Variants in CTNNA3 observed in about 807,000 individuals in gnomAD.
The protein encoded by CTNNA3 is catenin alpha 3.
In CTNNA3, 76 loss-of-function variants were observed where a neutral mutation model predicts 95.7. The observed-to-expected ratio is 0.79, with a 90% confidence interval of 0.66 to 0.96. The LOEUF (loss-of-function observed/expected upper bound fraction) is 0.96. CTNNA3 is among the 40% of genes least tolerant of loss of function. The pLI, the probability that CTNNA3 is intolerant of heterozygous loss-of-function variation, is 0.00. For missense variants in CTNNA3, 1,191 were observed against 1,089.8 expected, an observed-to-expected ratio of 1.09 and a Z score of -1.31; for synonymous variants, 431 against 374.4, an observed-to-expected ratio of 1.15 and a Z score of -1.74.
chr10:66,022,310 A>G (rs1296360190), intron 15 of CTNNA3, among the ~76,000 whole-genome samples: 1 of 152,176 alleles, frequency 6.6e-6, no homozygotes, highest in Non-Finnish European at 1.5e-5. Flanking sequence ...GCTTTAAACA[A>G]AAGTTATATT....
chr10:67,110,890 T>C (rs1858882060), intron 7 of CTNNA3, among the ~76,000 whole-genome samples: 1 of 152,154 alleles, frequency 6.6e-6, no homozygotes, highest in African/African-American at 2.4e-5. Context: ...ACACTTATAA[T>C]GAGATGGTTC....
chr10:66,129,488 C>G (rs1343497512), intron 13 of CTNNA3, among the ~76,000 whole-genome samples: 3 of 152,154 alleles, frequency 2.0e-5, no homozygotes, highest in Non-Finnish European at 1.5e-5. Context: ...TGGCCAGGGA[C>G]ACCCATCACC....
At chr10:66,958,032 C>A (rs1222246181) in intron 7 of CTNNA3, among the ~76,000 whole-genome samples, 1 of 151,868 alleles carries the variant, frequency 6.6e-6, no homozygotes, top group Non-Finnish European at 1.5e-5. Flanking sequence ...ACTAGAGGGG[C>A]CAAAAGCAGT....
chr10:66,687,347 T>G (rs1020720268), intron 9 of CTNNA3, among the ~76,000 whole-genome samples: 2 of 152,144 alleles, frequency 1.3e-5, no homozygotes, highest in African/African-American at 4.8e-5. Context: ...CTTTGTCTTC[T>G]TGATGCCTCC....
chr10:65,921,815 G>T (rs1181613739), intron 17 of CTNNA3, among the ~76,000 whole-genome samples: 2 of 152,172 alleles, frequency 1.3e-5, no homozygotes, highest in African/African-American at 4.8e-5. Context: ...GAGTCTCAAG[G>T]TGTACCTGAA....
intron 7 of CTNNA3, among the ~76,000 whole-genome samples, chr10:67,054,372 C>T (rs1466765793): frequency 6.6e-6 from 1 of 152,122 alleles, no homozygotes; most frequent in African/African-American, 2.4e-5. Flanking sequence ...GCTTTTGTGT[C>T]ACACAAAGCT....
At chr10:67,403,102 A>C (rs1844986936) in intron 5 of CTNNA3, among the ~76,000 whole-genome samples, 1 of 152,218 alleles carries the variant, frequency 6.6e-6, no homozygotes, top group African/African-American at 2.4e-5. Flanking sequence ...CAGCTGTTCA[A>C]GTCTGTGGGC....
intron 7 of CTNNA3, among the ~76,000 whole-genome samples, chr10:66,936,658 G>A (rs942185288): frequency 6.6e-5 from 10 of 152,056 alleles, no homozygotes; most frequent in Admixed American, 6.6e-5. Flanking sequence ...ACTCTACAGC[G>A]CAATCTAGTC....
intron 5 of CTNNA3, among the ~76,000 whole-genome samples, chr10:67,396,837 A>G (rs1844724795): frequency 6.6e-6 from 1 of 151,968 alleles, no homozygotes; most frequent in African/African-American, 2.4e-5. Flanking sequence ...ATAGTGAGTG[A>G]GTTCTCACAA....
chr10:67,167,266 T>A (rs1448451857), intron 7 of CTNNA3, among the ~76,000 whole-genome samples: 2 of 152,288 alleles, frequency 1.3e-5, no homozygotes, highest in Middle Eastern at 3.4e-3. Context: ...AGGCTAGACA[T>A]ACAAGATACC....
intron 7 of CTNNA3, among the ~76,000 whole-genome samples, chr10:67,000,720 T>C (rs112729832): frequency 9.2e-5 from 14 of 152,268 alleles, no homozygotes; most frequent in African/African-American, 3.4e-4. Flanking sequence ...TAAAGTCAAT[T>C]AGTATAAATA....
At chr10:67,498,521 G>T (rs1268394902) in intron 5 of CTNNA3, among the ~76,000 whole-genome samples, 1 of 150,256 alleles carries the variant, frequency 6.7e-6, no homozygotes, top group East Asian at 2.1e-4. Context: ...AAATTACTTT[G>T]GGCATAATGG....
rs183996535 is a variant in CTNNA3, at chr10:66,445,990, A to T, written c.1532-66638T>A. Among the ~76,000 whole-genome samples, 23 of 152,294 alleles carry T rather than the reference A, an allele frequency of 1.5e-4. No individual in the cohort carries two copies. The East Asian group carries it at 4.3e-3, about 28-fold the overall frequency. On this transcript the variant is annotated intron_variant, in intron 11 of 17. Transcript: ENST00000433211. ...GATGCAATAAAAAATGATAAAGGGGATATCACTACCAATCCCACAGAAATA... is the reference window on the plus strand; with the variant it reads ...GATGCAATAAAAAATGATAAAGGGGTTATCACTACCAATCCCACAGAAATA...
intron 1 of CTNNA3, among the ~76,000 whole-genome samples, chr10:67,658,868 C>G (rs1157809758): frequency 6.6e-6 from 1 of 152,138 alleles, no homozygotes; most frequent in Non-Finnish European, 1.5e-5. Context: ...TGTTGTAATT[C>G]AAACTTTATA....
At chr10:67,450,329 A>G (rs905328594) in intron 5 of CTNNA3, among the ~76,000 whole-genome samples, 1 of 152,220 alleles carries the variant, frequency 6.6e-6, no homozygotes, top group African/African-American at 2.4e-5. Flanking sequence ...TCATTCTACC[A>G]TAAAGACATA....
At chr10:66,007,019 C>T (rs868262113) in intron 15 of CTNNA3, among the ~76,000 whole-genome samples, 4 of 152,044 alleles carry the variant, frequency 2.6e-5, no homozygotes, top group Admixed American at 1.3e-4. Flanking sequence ...TTGGCATGCC[C>T]CCCGCACCCC....
intron 1 of CTNNA3, among the ~76,000 whole-genome samples, chr10:67,746,786 G>C (rs1305888632): frequency 1.3e-5 from 2 of 152,348 alleles, no homozygotes; most frequent in East Asian, 3.9e-4. Flanking sequence ...TTCAGCTGCA[G>C]TCTGCCTAAG....
chr10:65,927,412 T>C (rs1410094264), intron 17 of CTNNA3, among the ~76,000 whole-genome samples: 1 of 152,202 alleles, frequency 6.6e-6, no homozygotes. Flanking sequence ...ACATCAGTGT[T>C]CTATTTATGA....
intron 13 of CTNNA3, among the ~76,000 whole-genome samples, chr10:66,227,107 C>T (rs186388110): frequency 2.0e-5 from 3 of 152,234 alleles, no homozygotes; most frequent in Non-Finnish European, 4.4e-5. Flanking sequence ...TCAAGTGATC[C>T]TCTCATTCTA....
Sources: allele counts gnomAD v4.1 joint callset (sites outside exome capture counted in the v4.1 genomes callset), GRCh38; gene constraint gnomAD v4.1.1; transcripts MANE v1.5; gene names NCBI Gene and HGNC (gene_info 2026-07-23, HGNC 2026-07-21).